Variants in CEP162 observed in about 807,000 individuals in gnomAD.
CEP162 encodes centrosomal protein 162.
In CEP162, 141 loss-of-function variants were observed where a neutral mutation model predicts 169.2. The ratio of observed to expected loss-of-function variants is 0.83; its 90% CI spans 0.73 to 0.96. CEP162 has a LOEUF of 0.96. Among genes scored for constraint, CEP162 ranks in the 40% least tolerant of loss-of-function variants. The pLI, the probability that CEP162 is intolerant of heterozygous loss-of-function variation, is 0.00. For missense variants in CEP162, 1,600 were observed against 1,587.2 expected (o/e 1.01, Z -0.14); for synonymous variants, 540 against 526.4 (o/e 1.03, Z -0.35).
chr6:84,215,776 C>T lies in CEP162; in HGVS notation c.319G>A (p.Glu107Lys). 2 of 1,582,488 alleles carry T rather than the reference C, an allele frequency of 1.3e-6. No individual in the cohort carries two copies. The highest frequency in any genetic ancestry group is 2.3e-5 in the East Asian group (1 of 44,222). Residue 107 changes from glutamate to lysine, a missense_variant and splice_region_variant, in exon 4 of 27, where the codon GAA (glutamate) becomes AAA (lysine). Physicochemically the swap from Glu to Lys is moderately conservative, Grantham distance 56. Coordinates refer to ENST00000403245, the MANE Select transcript of CEP162 (RefSeq NM_014895.4). The part of the protein sequence containing the change: ...LLSTDSLETN[E>K]LVVSELNHSS... ...AACTCATATCCCTTGCATTTCTTAC[C>T]ATTTGTTTCTAAGCTATCAGTACTT...
chr6:84,222,428 A>G (rs762697202), intron 2 of CEP162, among the ~76,000 whole-genome samples: 3 of 152,182 alleles, frequency 2.0e-5, no homozygotes, highest in Non-Finnish European at 2.9e-5. Flanking sequence ...AGACTTTTCC[A>G]GGACTCTGCT....
intron 13 of CEP162, among the ~76,000 whole-genome samples, chr6:84,176,250 AAT>A (rs1329635139): frequency 6.6e-6 from 1 of 152,200 alleles, no homozygotes; most frequent in Non-Finnish European, 1.5e-5. Flanking sequence ...ATATTTGGAA[AAT>A]ATAGAGCAGT....
chr6:84,173,910 C>G, intron 16 of CEP162, 138 bp downstream of exon 16: 1 of 599,182 alleles, frequency 1.7e-6, no homozygotes, highest in Non-Finnish European at 2.8e-6. Context: ...GTCTCGAACT[C>G]CTGACCTCAG....
intron 21 of CEP162, 120 bp from the exon 22 acceptor site, chr6:84,155,630 A>C: frequency 3.0e-6 from 2 of 665,946 alleles, no homozygotes; most frequent in Non-Finnish European, 5.0e-6. Flanking sequence ...ACCAATAACA[A>C]TCTTGCTGAG....
At chr6:84,137,878 G>A (rs539193311) in intron 25 of CEP162, among the ~76,000 whole-genome samples, 84 of 152,260 alleles carry the variant, frequency 5.5e-4, no homozygotes, top group African/African-American at 2.0e-3. Context: ...AACGGAAGAG[G>A]TGCTGGATCC....
chr6:84,128,900 T>C (rs879633788), intron 25 of CEP162, among the ~76,000 whole-genome samples: 1 of 151,712 alleles, frequency 6.6e-6, no homozygotes, highest in Non-Finnish European at 1.5e-5. Context: ...GTCACTGTGT[T>C]CTCATTGTTC....
At chr6:84,184,379 C>T (rs2099536206) in intron 13 of CEP162, among the ~76,000 whole-genome samples, 1 of 152,126 alleles carries the variant, frequency 6.6e-6, no homozygotes, top group South Asian at 2.1e-4. Flanking sequence ...TAATTTGAAG[C>T]ACCATTCCAC....
At chr6:84,170,231 G>A (rs769137026) in intron 17 of CEP162, among the ~76,000 whole-genome samples, 4 of 151,768 alleles carry the variant, frequency 2.6e-5, no homozygotes, top group East Asian at 1.9e-4. Flanking sequence ...AAAATTAGCC[G>A]GGCATGGTGG....
chr6:84,214,832 C>G (rs2127749199), intron 5 of CEP162, among the ~76,000 whole-genome samples: 1 of 152,234 alleles, frequency 6.6e-6, no homozygotes, highest in South Asian at 2.1e-4. Flanking sequence ...AGTGGGATTT[C>G]TAGAATAAAT....
intron 5 of CEP162, among the ~76,000 whole-genome samples, chr6:84,214,005 G>A (rs879656216): frequency 2.6e-5 from 4 of 152,180 alleles, no homozygotes; most frequent in East Asian, 1.9e-4. Flanking sequence ...TTCGCTGGGC[G>A]CGGTGGCTCA....
rs771347483 is a variant in CEP162, at chr6:84,174,903, T to C, written c.1849A>G (p.Lys617Glu). Reference protein sequence around the residue: ...ENKEKKLLMFKRVQEAEDKWR... With the variant: ...ENKEKKLLMFERVQEAEDKWR... ...TTATCCTCTGCTTCCTGAACTCTTT[T>C]AAACATAAGTAATTTCTTCTCCTTG... is the stretch of plus-strand genomic sequence containing the variant. The change falls in exon 15 of 27, where the codon AAA (lysine) becomes GAA (glutamate). Residue 617 changes from lysine to glutamate, a missense_variant. Lys to Glu is a moderately conservative substitution (Grantham distance 56, BLOSUM62 1). Coordinates refer to ENST00000403245, the MANE Select transcript of CEP162 (RefSeq NM_014895.4). 6.3e-7 allele frequency: 1 copy of C among 1,577,004 alleles called. No homozygotes were observed. Among genetic ancestry groups the C allele is most frequent in the South Asian group, 1.2e-5 (1 of 85,036 alleles).
chr6:84,165,532 C>T (rs2099527480), intron 18 of CEP162, among the ~76,000 whole-genome samples: 2 of 152,052 alleles, frequency 1.3e-5, no homozygotes. Flanking sequence ...TTATTGTTTC[C>T]TATGACACTG....
At chr6:84,200,202 G>A (rs7741715) in intron 9 of CEP162, among the ~76,000 whole-genome samples, 36,242 of 152,096 alleles carry the variant, frequency 0.24, 9,800 homozygotes, top group African/African-American at 0.67. Context: ...GTGAGCCAAG[G>A]TAGCGCCACT....
intron 6 of CEP162, 74 bp downstream of exon 6, chr6:84,212,883 T>G: frequency 1.1e-6 from 1 of 936,204 alleles, no homozygotes; most frequent in Non-Finnish European, 1.6e-6. Flanking sequence ...TTTAATTATT[T>G]TTCTTATTAA....
At chr6:84,141,403 TTAA>T in intron 25 of CEP162, among the ~76,000 whole-genome samples, 1 of 152,178 alleles carries the variant, frequency 6.6e-6, no homozygotes, top group South Asian at 2.1e-4. Context: ...AAGACCAACG[TTAA>T]CATCTACATC....
rs1036313452 is a variant in CEP162, at chr6:84,124,472, CATAAAAA to C, written c.*591_*597del. The C allele has an allele frequency of 1.3e-4, 20 of 152,484 alleles. No individual in the cohort carries two copies. The highest frequency in any genetic ancestry group is 4.8e-4 in the African/African-American group (20 of 41,412). 9.4% of individuals were successfully genotyped at this position (152,484 alleles called of 1,614,324 possible). On this transcript the variant is annotated 3_prime_UTR_variant, in exon 27 of 27. Transcript: ENST00000403245. ...ATTATCCTATGTGAACTAAATCAGA[CATAAAAA>C]ATAAAATATTGCATATATTCTCACT...
chr6:84,189,541 C>G (rs1293302257), intron 11 of CEP162, among the ~76,000 whole-genome samples: 1 of 152,184 alleles, frequency 6.6e-6, no homozygotes, highest in African/African-American at 2.4e-5. Flanking sequence ...TGTACTGAGT[C>G]CCCCAGCAGT....
chr6:84,223,275 C>T (rs893909407), intron 2 of CEP162, among the ~76,000 whole-genome samples: 29 of 151,552 alleles, frequency 1.9e-4, no homozygotes, highest in African/African-American at 6.1e-4. Context: ...CCGAGGTGGG[C>T]GGATCACGAG....
intron 17 of CEP162, among the ~76,000 whole-genome samples, chr6:84,170,400 A>AT (rs2099529627): frequency 6.7e-6 from 1 of 148,388 alleles, no homozygotes; most frequent in Non-Finnish European, 1.5e-5. Flanking sequence ...AAAAAAAAAA[A>AT]AAGCGTAAGT....
Sources: allele counts gnomAD v4.1 joint callset (sites outside exome capture counted in the v4.1 genomes callset), GRCh38; gene constraint gnomAD v4.1.1; transcripts MANE v1.5; gene names NCBI Gene and HGNC (gene_info 2026-07-23, HGNC 2026-07-21).